CSNK2A1: variants seen among roughly 807,000 people sequenced by gnomAD.
CSNK2A1 encodes the protein casein kinase II subunit alpha.
CSNK2A1 carries 10 observed loss-of-function variants against 62.9 expected under a neutral mutation model. The ratio of observed to expected loss-of-function variants is 0.16; its 90% CI spans 0.10 to 0.27. The LOEUF (loss-of-function observed/expected upper bound fraction) is 0.27. Among genes scored for constraint, CSNK2A1 ranks in the 10% least tolerant of loss-of-function variants. The probability of loss-of-function intolerance (pLI) is 1.00; values close to 1 mark genes in which losing one functional copy is unlikely to be tolerated. For missense variants in CSNK2A1, 160 were observed against 492.0 expected, an observed-to-expected ratio of 0.33 and a Z score of 6.38; for synonymous variants, 124 against 167.8, an observed-to-expected ratio of 0.74 and a Z score of 2.02.
intron 2 of CSNK2A1, among the ~76,000 whole-genome samples, chr20:522,108 T>C (rs2018962378): frequency 6.6e-6 from 1 of 152,162 alleles, no homozygotes; most frequent in Non-Finnish European, 1.5e-5. Context: ...TAGATTCTCA[T>C]AGGAGAACCC....
Position 499,285 on chromosome 20 carries a change from A to G in CSNK2A1, c.336T>C (p.Val112=). The part of the protein sequence containing the change: ...KDPVSRTPAL[V]FEHVNNTDFK... Reference sequence around the variant, plus strand: ...AGTCTGTGTTGTTTACGTGTTCAAAAACCAAGGCGGGGGTTCGTGACTAGG... The same window carrying G: ...AGTCTGTGTTGTTTACGTGTTCAAAGACCAAGGCGGGGGTTCGTGACTAGG... The change falls in exon 6 of 14, where the codon GTT becomes GTC. Residue 112 remains valine, a synonymous_variant. Coordinates refer to ENST00000217244, the MANE Select transcript of CSNK2A1 (RefSeq NM_177559.3). This position sits in a 1 kb window ranked among gnomAD's most constrained non-coding sequence, Gnocchi z 4.2. The G allele has an allele frequency of 1.2e-6, 2 of 1,608,766 alleles. No homozygotes were observed. Among genetic ancestry groups the G allele is most frequent in the Non-Finnish European group, 1.7e-6 (2 of 1,177,512 alleles).
chr20:509,116 T>A (rs2018665127), intron 2 of CSNK2A1, among the ~76,000 whole-genome samples: 1 of 152,248 alleles, frequency 6.6e-6, no homozygotes, highest in Admixed American at 6.5e-5. Context: ...TGACTCATAT[T>A]TGATGAAACC....
intron 2 of CSNK2A1, among the ~76,000 whole-genome samples, chr20:512,127 G>A (rs1600395289): frequency 6.6e-6 from 1 of 151,920 alleles, no homozygotes; most frequent in East Asian, 1.9e-4. Context: ...GGCCTCAAGG[G>A]ATCCTCCCAC....
chr20:525,448 C>T (rs572768385), intron 2 of CSNK2A1, among the ~76,000 whole-genome samples: 8 of 151,774 alleles, frequency 5.3e-5, no homozygotes, highest in South Asian at 4.2e-4. Flanking sequence ...GTCAGAAGAT[C>T]GAGACCACCC....
chr20:515,493 A>G (rs2018810524), intron 2 of CSNK2A1, among the ~76,000 whole-genome samples: 1 of 152,204 alleles, frequency 6.6e-6, no homozygotes, highest in African/African-American at 2.4e-5. Context: ...ACAAATAAGA[A>G]CAGCCTAAGT....
intron 4 of CSNK2A1, chr20:500,329 T>G: frequency 5.3e-6 from 1 of 188,628 alleles, no homozygotes; most frequent in Non-Finnish European, 1.1e-5. Context: ...CATGGGCCCT[T>G]TCCATTTCTT....
In CSNK2A1 at chr20:497,791, C is replaced by T; in HGVS notation, c.367-11G>A. ...CGTCTGGTACAATTGCTGTTAAAGACAAATGTTTGAGCCATGAAATAATGC... is the reference window on the plus strand; with the variant it reads ...CGTCTGGTACAATTGCTGTTAAAGATAAATGTTTGAGCCATGAAATAATGC... On this transcript the variant is annotated splice_polypyrimidine_tract_variant and intron_variant, in intron 6 of 13. Transcript: ENST00000217244. The T allele has an allele frequency of 6.2e-7, 1 of 1,611,024 alleles. No individual in the cohort carries two copies. Among genetic ancestry groups the T allele is most frequent in the Non-Finnish European group, 8.5e-7 (1 of 1,177,972 alleles).
Position 490,179 on chromosome 20 carries a change from G to A in CSNK2A1, c.622-298C>T, listed in dbSNP as rs375819699. 4.7e-5 allele frequency among the ~76,000 whole-genome samples: 7 copies of A among 148,776 alleles called. No homozygotes were observed. The East Asian group carries it at 1.4e-3, about 30-fold the overall frequency. On this transcript the variant is annotated intron_variant, in intron 9 of 13. Coordinates refer to ENST00000217244, the MANE Select transcript of CSNK2A1 (RefSeq NM_177559.3). ...CCTGACTAGCTGGGACTACAGGCGC[G>A]TGCCACCATGCCTGGCTAATTTTGT... is the stretch of plus-strand genomic sequence containing the variant.
At chr20:541,502 A>G (rs6052776) in intron 1 of CSNK2A1, among the ~76,000 whole-genome samples, 10,364 of 152,238 alleles carry the variant, frequency 0.068, 1,100 homozygotes, top group African/African-American at 0.23. Flanking sequence ...ATACATACAT[A>G]CATATGTCTT....
intron 1 of CSNK2A1, among the ~76,000 whole-genome samples, chr20:533,167 C>T (rs1411979893): frequency 6.6e-6 from 1 of 152,122 alleles, no homozygotes. Context: ...TTGGCAGTTC[C>T]CTTGACTCTC....
intron 2 of CSNK2A1, among the ~76,000 whole-genome samples, chr20:520,113 G>GA (rs1387049665): frequency 2.0e-5 from 3 of 151,528 alleles, no homozygotes; most frequent in East Asian, 3.9e-4. Flanking sequence ...GAAGGGAGAA[G>GA]AAAAAAATCT....
intron 1 of CSNK2A1, among the ~76,000 whole-genome samples, chr20:532,201 G>C (rs2019226177): frequency 6.6e-6 from 1 of 150,606 alleles, no homozygotes; most frequent in Non-Finnish European, 1.5e-5. Flanking sequence ...GTCTCGCTCT[G>C]TCGCCAGGCC....
chr20:490,073 C>T (rs1469903001), intron 9 of CSNK2A1, among the ~76,000 whole-genome samples, 192 bp from the exon 10 acceptor site: 1 of 150,596 alleles, frequency 6.6e-6, no homozygotes, highest in Non-Finnish European at 1.5e-5. Context: ...ACTCTGCTGC[C>T]CATGCTGGAG....
chr20:508,132 T>C (rs2018644214), intron 3 of CSNK2A1: 1 of 204,400 alleles, frequency 4.9e-6, no homozygotes, highest in East Asian at 1.2e-4. Context: ...TATAATCTTA[T>C]GGAACCACTG....
intron 2 of CSNK2A1, among the ~76,000 whole-genome samples, chr20:520,991 A>T (rs2018933879): frequency 6.6e-6 from 1 of 152,300 alleles, no homozygotes; most frequent in African/African-American, 2.4e-5. Context: ...GGAAAAAAAA[A>T]GATATAAATG....
At position 493,293 on chromosome 20, in the gene CSNK2A1, G is replaced by A. The variant is rs148722597; in HGVS notation, c.511-929C>T. Among the ~76,000 whole-genome samples the A allele has an allele frequency of 3.5e-3, 534 of 152,128 alleles. 7 individuals carry two copies. The highest frequency in any genetic ancestry group is 0.012 in the African/African-American group (516 of 41,492). ...TCATCACCTCCACTGCCACTGCCCC[G>A]ATCCAAGCCACCACCACCTCTTGTT... On this transcript the variant is annotated intron_variant, in intron 8 of 13. Transcript: ENST00000217244.
At chr20:540,889 C>T (rs759965802) in intron 1 of CSNK2A1, 2 of 152,106 alleles carry the variant, frequency 1.3e-5, no homozygotes, top group Non-Finnish European at 2.9e-5. Context: ...TAGGGTCTCA[C>T]GAGGCCAAAA....
Position 487,482 on chromosome 20 carries a change from T to C in CSNK2A1, c.918A>G (p.Arg306=). The C allele has an allele frequency of 6.2e-7, 1 of 1,614,170 alleles. No homozygotes were observed. ...EALDFLDKLL[R]YDHQSRLTAR... ...CAGTAAGCCGTGACTGGTGGTCATA[T>C]CGCAGCAGTTTGTCCAGGAAATCCA... Residue 306 remains arginine, a synonymous_variant, in exon 12 of 14, where the codon CGA becomes CGG. Transcript: ENST00000217244.
chr20:487,109 C>T (rs1404756076), intron 12 of CSNK2A1: 7 of 298,742 alleles, frequency 2.3e-5, no homozygotes, highest in African/African-American at 1.1e-4. Context: ...CTCTTTCCAA[C>T]GAATGATTAC....
Sources: allele counts gnomAD v4.1 joint callset (sites outside exome capture counted in the v4.1 genomes callset), GRCh38; gene constraint gnomAD v4.1.1; non-coding constraint Gnocchi (gnomAD v3.1); transcripts MANE v1.5; gene names NCBI Gene and HGNC (gene_info 2026-07-23, HGNC 2026-07-21).